Variants in MCM9 observed in about 807,000 individuals in gnomAD.
The protein encoded by MCM9 is minichromosome maintenance 9 homologous recombination repair factor.
In MCM9, 55 loss-of-function variants were observed where a neutral mutation model predicts 72.8. The observed-to-expected ratio is 0.76, with a 90% confidence interval of 0.61 to 0.95. The LOEUF is 0.95. Ranked by LOEUF, MCM9 falls within the 40% of genes least tolerant of loss-of-function variation. MCM9 has a pLI of 0.00. For missense variants in MCM9, 1,279 were observed against 1,377.0 expected, an observed-to-expected ratio of 0.93 and a Z score of 1.13; for synonymous variants, 480 against 503.4, an observed-to-expected ratio of 0.95 and a Z score of 0.62.
chr6:118,876,599 G>T (rs1583509401), intron 8 of MCM9, among the ~76,000 whole-genome samples: 1 of 152,260 alleles, frequency 6.6e-6, no homozygotes, highest in East Asian at 1.9e-4. Context: ...GTTGGGCAAA[G>T]ATTTCTTACA....
intron 13 of MCM9, among the ~76,000 whole-genome samples, chr6:118,825,388 G>A (rs1350017442): frequency 6.6e-6 from 1 of 152,208 alleles, no homozygotes; most frequent in African/African-American, 2.4e-5. Context: ...GAAAGAGAAG[G>A]ATGCTGTGAG....
chr6:118,923,677 T>C, intron 4 of MCM9, 134 bp downstream of exon 4: 1 of 760,384 alleles, frequency 1.3e-6, no homozygotes, highest in East Asian at 2.7e-5. Flanking sequence ...GTGGAACAGT[T>C]TCGAGCTTGA....
At chr6:118,900,925 A>T in intron 8 of MCM9, 1 of 1,309,736 alleles carries the variant, frequency 7.6e-7, no homozygotes, top group Non-Finnish European at 1.1e-6. Context: ...TATGTTTCGA[A>T]GTAGACTATA....
chr6:118,875,522 G>A (rs561891065), intron 8 of MCM9, among the ~76,000 whole-genome samples: 1 of 152,078 alleles, frequency 6.6e-6, no homozygotes, highest in South Asian at 2.1e-4. Flanking sequence ...TATGGTCCCA[G>A]CTACTCAAGA....
chr6:118,928,324 T>C (rs1782072937), intron 3 of MCM9, among the ~76,000 whole-genome samples: 2 of 151,944 alleles, frequency 1.3e-5, no homozygotes, highest in South Asian at 4.2e-4. Context: ...GGCAGGAGAA[T>C]CGCTTGAACC....
chr6:118,934,112 T>C (rs1291121796), intron 1 of MCM9, among the ~76,000 whole-genome samples: 1 of 152,190 alleles, frequency 6.6e-6, no homozygotes, highest in African/African-American at 2.4e-5. Context: ...GCAGCAGAAT[T>C]CAACGTTCAA....
rs1330526959 is a variant in MCM9, at chr6:118,815,338, T to C, written c.2918A>G (p.Lys973Arg). ...DAALPVKRPG[K>R]LTSTPGNQIS... ...CTGGTTTCCTGGGGTAGATGTTAAC[T>C]TTCCTGGACGCTTCACCGGCAAGGC... Residue 973 changes from lysine (K) to arginine (R), a missense_variant, in exon 14 of 14, where the codon AAG becomes AGG. Physicochemically the swap from Lys to Arg is conservative, Grantham distance 26. Coordinates refer to ENST00000619706, the MANE Select transcript of MCM9 (RefSeq NM_017696.3). The C allele has an allele frequency of 1.9e-6, 3 of 1,550,298 alleles. No homozygotes were observed. Among genetic ancestry groups the C allele is most frequent in the South Asian group, 2.4e-5 (2 of 84,012 alleles).
At chr6:118,914,739 C>G (rs1322917333) in intron 6 of MCM9, among the ~76,000 whole-genome samples, 1 of 152,132 alleles carries the variant, frequency 6.6e-6, no homozygotes, top group East Asian at 1.9e-4. Context: ...GCAAATTGAT[C>G]TGGGAATTAC....
chr6:118,867,850 T>C (rs1176536584), intron 8 of MCM9, among the ~76,000 whole-genome samples: 1 of 151,186 alleles, frequency 6.6e-6, no homozygotes, highest in Non-Finnish European at 1.5e-5. Flanking sequence ...TGGGGTTGGG[T>C]AAATTAATTA....
chr6:118,837,294 A>G (rs1196568746), intron 9 of MCM9, among the ~76,000 whole-genome samples: 5 of 152,030 alleles, frequency 3.3e-5, no homozygotes, highest in Non-Finnish European at 7.4e-5. Flanking sequence ...TTAATTATGT[A>G]GTCAATTTTA....
chr6:118,853,182 C>A (rs931692468), intron 9 of MCM9, among the ~76,000 whole-genome samples: 1 of 152,078 alleles, frequency 6.6e-6, no homozygotes, highest in Non-Finnish European at 1.5e-5. Context: ...TAAAAAAAAA[C>A]TATCCTTTCT....
chr6:118,913,882 A>G (rs1055872353), intron 6 of MCM9, among the ~76,000 whole-genome samples: 4 of 152,104 alleles, frequency 2.6e-5, no homozygotes, highest in Admixed American at 2.6e-4. Context: ...ATTACCACCC[A>G]GCACTCATGA....
At chr6:118,832,656 G>A (rs889313562) in intron 9 of MCM9, among the ~76,000 whole-genome samples, 4 of 152,088 alleles carry the variant, frequency 2.6e-5, no homozygotes, top group African/African-American at 9.7e-5. Flanking sequence ...ACATTTAAAC[G>A]TCCTACAAAC....
intron 8 of MCM9, among the ~76,000 whole-genome samples, chr6:118,887,114 G>T (rs1778654992): frequency 6.6e-6 from 1 of 152,146 alleles, no homozygotes; most frequent in African/African-American, 2.4e-5. Flanking sequence ...AATCCCAGGT[G>T]GCTTCTTTGC....
At chr6:118,852,822 G>A (rs1455875708) in intron 9 of MCM9, among the ~76,000 whole-genome samples, 1 of 152,098 alleles carries the variant, frequency 6.6e-6, no homozygotes, top group Non-Finnish European at 1.5e-5. Flanking sequence ...TAACCCCCTA[G>A]CAGAAATTTC....
Position 118,815,721 on chromosome 6 carries a change from G to T in MCM9, c.2535C>A (p.Pro845=). The change falls in exon 14 of 14, where the codon CCC becomes CCA. Residue 845 remains proline (P), a synonymous_variant. Transcript: ENST00000619706. ...CTTTGCACAGCTTCTGCAGGTTCCT[G>T]GGGACATGATGAGTCAGTACTGAGT... The part of the protein sequence containing the change: ...KPDSVLTHHV[P]RNLQKLCKER... The T allele has an allele frequency of 6.5e-7, 1 of 1,545,838 alleles. No individual in the cohort carries two copies.
chr6:118,900,042 T>C (rs1020090981), intron 8 of MCM9, among the ~76,000 whole-genome samples: 1 of 152,246 alleles, frequency 6.6e-6, no homozygotes, highest in African/African-American at 2.4e-5. Context: ...TTGAATTACA[T>C]ATAACGCCTT....
chr6:118,874,625 T>A (rs943387420), intron 8 of MCM9, among the ~76,000 whole-genome samples: 2 of 152,152 alleles, frequency 1.3e-5, no homozygotes, highest in African/African-American at 4.8e-5. Context: ...GTATACCGAC[T>A]GGGAAGGAAA....
At chr6:118,931,848 C>A (rs976951572) in intron 2 of MCM9, 110 bp from the exon 3 acceptor site, 7 of 752,932 alleles carry the variant, frequency 9.3e-6, no homozygotes, top group Non-Finnish European at 1.3e-5. Flanking sequence ...ATACTATAAT[C>A]ACAAAATAAT....
Sources: gnomAD v4.1 joint callset for allele counts (sites outside exome capture counted in the v4.1 genomes callset) on GRCh38, gnomAD v4.1.1 for gene constraint, MANE v1.5 for transcripts, NCBI Gene and HGNC (gene_info 2026-07-23, HGNC 2026-07-21) for gene names.